Variants in OPHN1 observed in about 807,000 individuals in gnomAD.
The protein encoded by OPHN1 is oligophrenin 1, also known as oligophrenin-1.
A neutral mutation model predicts 60.7 loss-of-function variants in OPHN1; 11 were observed. The ratio of observed to expected loss-of-function variants is 0.18; its 90% confidence interval spans 0.11 to 0.30. OPHN1 has a LOEUF of 0.30. Ranked by LOEUF, OPHN1 falls within the 10% of genes least tolerant of loss-of-function variation. OPHN1 has a pLI of 1.00. For synonymous variants in OPHN1, 226 were observed against 222.6 expected, an observed-to-expected ratio of 1.02 and a Z score of -0.14; for missense variants, 449 against 611.0, an observed-to-expected ratio of 0.73 and a Z score of 2.80.
At chrX:68,386,116 C>T (rs1469118893) in intron 2 of OPHN1, among the ~76,000 whole-genome samples, 1 of 112,108 alleles carries the variant, frequency 8.9e-6, no homozygotes, top group Non-Finnish European at 1.9e-5. Context: ...TTCTGCTACT[C>T]GTCAACCCAA....
At chrX:68,264,762 G>A (rs189560636) in intron 5 of OPHN1, among the ~76,000 whole-genome samples, 7 of 112,329 alleles carry the variant, frequency 6.2e-5, no homozygotes, top group Non-Finnish European at 1.3e-4. Flanking sequence ...AGGGGTCAGG[G>A]AATTCCCTTT....
intron 2 of OPHN1, among the ~76,000 whole-genome samples, chrX:68,317,378 AG>A (rs1162711702): frequency 0.031 from 1,969 of 63,319 alleles, 42 homozygotes; most frequent in Non-Finnish European, 0.049. Context: ...AAAGAAAGAA[AG>A]GAAGGAAGGA....
chrX:68,251,180 G>GTT lies in OPHN1; in HGVS notation c.385-16594_385-16593dup, dbSNP rs1161101532. Among the ~76,000 whole-genome samples, 297 of 45,586 alleles carry GTT rather than the reference G, an allele frequency of 6.5e-3. 1 individual carries two copies. Among genetic ancestry groups the GTT allele is most frequent in the Non-Finnish European group, 7.7e-3 (206 of 26,617 alleles). 39.6% of individuals were successfully genotyped at this position (45,586 alleles called of 115,157 possible). On this transcript the variant is annotated intron_variant, in intron 5 of 24. Transcript: ENST00000355520. ...CCTCTCCCAACACCCCTCCTCAAAT[G>GTT]TTTTTTTTTTTTTTTTTTTTTTTTG...
intron 16 of OPHN1, among the ~76,000 whole-genome samples, chrX:68,118,563 GTATGATACATAC>G (rs1221351646): frequency 1.8e-5 from 2 of 111,809 alleles, no homozygotes; most frequent in Non-Finnish European, 3.8e-5. Context: ...TGCACATAAA[GTATGATACATAC>G]TATGAGACAT....
At chrX:68,112,651 C>T (rs1317367499) in intron 17 of OPHN1, among the ~76,000 whole-genome samples, 4 of 112,537 alleles carry the variant, frequency 3.6e-5, no homozygotes, top group Non-Finnish European at 7.5e-5. Context: ...ACTTTCAATG[C>T]TTCTTTAATC....
intron 19 of OPHN1, among the ~76,000 whole-genome samples, chrX:68,074,911 G>GA (rs1421866170): frequency 9.0e-6 from 1 of 111,644 alleles, no homozygotes; most frequent in Non-Finnish European, 1.9e-5. Flanking sequence ...ACTGTCACCT[G>GA]AAAATACTAC....
intron 4 of OPHN1, among the ~76,000 whole-genome samples, chrX:68,282,436 G>A (rs1384760072): frequency 1.8e-5 from 2 of 111,528 alleles, no homozygotes; most frequent in East Asian, 2.8e-4. Context: ...AAATGTTCAC[G>A]GCCATGAATC....
chrX:68,266,673 T>A (rs1304847782), intron 5 of OPHN1, among the ~76,000 whole-genome samples: 1 of 111,291 alleles, frequency 9.0e-6, no homozygotes, highest in Non-Finnish European at 1.9e-5. Flanking sequence ...AATTTACACG[T>A]AACAATATTA....
At chrX:68,069,690 T>C (rs749657639) in intron 20 of OPHN1, among the ~76,000 whole-genome samples, 2 of 109,930 alleles carry the variant, frequency 1.8e-5, no homozygotes, top group East Asian at 2.9e-4. Flanking sequence ...TTAAGCCATA[T>C]AAAGGGATAG....
At chrX:68,125,960 T>TACATAC (rs1555941260) in intron 15 of OPHN1, among the ~76,000 whole-genome samples, 23 of 76,931 alleles carry the variant, frequency 3.0e-4, no homozygotes, top group South Asian at 2.2e-3. Flanking sequence ...TATATATACA[T>TACATAC]ACACACACAC....
chrX:68,105,876 C>T (rs1569213688), intron 18 of OPHN1, among the ~76,000 whole-genome samples: 1 of 110,425 alleles, frequency 9.1e-6, no homozygotes, highest in Non-Finnish European at 1.9e-5. Context: ...AAATGTGTTC[C>T]TATATTGAAT....
chrX:68,234,399 G>T, intron 6 of OPHN1, 88 bp downstream of exon 6: 1 of 724,264 alleles, frequency 1.4e-6, no homozygotes, highest in Non-Finnish European at 2.2e-6. Context: ...CTGAGACGGG[G>T]TATGGGAAAA....
intron 5 of OPHN1, among the ~76,000 whole-genome samples, chrX:68,267,096 A>T (rs1454243212): frequency 1.8e-5 from 2 of 111,475 alleles, no homozygotes; most frequent in Non-Finnish European, 3.8e-5. Context: ...TTAACACTCC[A>T]CTGTCAACAT....
chrX:68,110,658 T>G (rs758577450), intron 18 of OPHN1, among the ~76,000 whole-genome samples: 19 of 112,245 alleles, frequency 1.7e-4, no homozygotes, highest in Non-Finnish European at 3.2e-4. Context: ...TCTTTGCTGA[T>G]TTTTGTACAT....
intron 15 of OPHN1, among the ~76,000 whole-genome samples, chrX:68,147,427 T>C (rs1411102151): frequency 8.9e-6 from 1 of 112,017 alleles, no homozygotes; most frequent in East Asian, 2.8e-4. Context: ...TAACAGGTTT[T>C]CCTGATGTGC....
At chrX:68,377,637 G>T (rs190114940) in intron 2 of OPHN1, among the ~76,000 whole-genome samples, 1 of 107,252 alleles carries the variant, frequency 9.3e-6, no homozygotes, top group Non-Finnish European at 1.9e-5. Flanking sequence ...GTGTCCATGT[G>T]TTCTCATTGT....
At chrX:68,249,409 A>G (rs2077822572) in intron 5 of OPHN1, among the ~76,000 whole-genome samples, 1 of 111,983 alleles carries the variant, frequency 8.9e-6, no homozygotes, top group Admixed American at 9.5e-5. Flanking sequence ...AGAATCTCCT[A>G]TAGATGAGCA....
At chrX:68,249,589 T>C (rs1266342939) in intron 5 of OPHN1, among the ~76,000 whole-genome samples, 2 of 111,858 alleles carry the variant, frequency 1.8e-5, no homozygotes, top group African/African-American at 6.5e-5. Flanking sequence ...TGAGAAGCCT[T>C]CTTCTCTGAT....
At position 68,075,500 on chromosome X, in the gene OPHN1, A is replaced by AT. The variant is rs775508095; in HGVS notation, c.1687-2202dup. Among the ~76,000 whole-genome samples, 4 of 111,572 alleles carry AT rather than the reference A, an allele frequency of 3.6e-5. No homozygotes were observed. The East Asian group carries it at 1.1e-3, about 31-fold the overall frequency. On this transcript the variant is annotated intron_variant, in intron 19 of 24. Transcript: ENST00000355520. The stretch of plus-strand genomic sequence containing the variant: ...CATTGACAAGCTGATTCAAAAATGT[A>AT]TAAGGACATGCAAAGAACCTAGAAT...
Sources: allele counts gnomAD v4.1 joint callset (sites outside exome capture counted in the v4.1 genomes callset), GRCh38; gene constraint gnomAD v4.1.1; transcripts MANE v1.5; gene names NCBI Gene and HGNC (gene_info 2026-07-23, HGNC 2026-07-21).